Variants in IL1RAPL1 observed in about 807,000 individuals in gnomAD.
The protein encoded by IL1RAPL1 is interleukin-1 receptor accessory protein-like 1.
In IL1RAPL1, 3 loss-of-function variants were observed where a neutral mutation model predicts 48.4. That is an observed-to-expected ratio of 0.06 (90% CI 0.03 to 0.16). The LOEUF (loss-of-function observed/expected upper bound fraction) is 0.16. Ranked by LOEUF, IL1RAPL1 falls within the 10% of genes least tolerant of loss-of-function variation. The probability of loss-of-function intolerance (pLI) is 1.00; values close to 1 mark genes in which losing one functional copy is unlikely to be tolerated. For missense variants in IL1RAPL1, 349 were observed against 530.6 expected, an observed-to-expected ratio of 0.66 and a Z score of 3.36; for synonymous variants, 185 against 187.7, an observed-to-expected ratio of 0.99 and a Z score of 0.12.
Position 29,623,284 on chromosome X carries a change from A to G in IL1RAPL1, c.704-45146A>G, listed in dbSNP as rs747652130. ...GCGACAGACTGAGACTCCGTCTCAA[A>G]AAAAAAAAAAGAAAGAAAGAAAGAA... On this transcript the variant is annotated intron_variant, in intron 5 of 10. Coordinates refer to ENST00000378993, the MANE Select transcript of IL1RAPL1 (RefSeq NM_014271.4). 9.4e-5 allele frequency among the ~76,000 whole-genome samples: 9 copies of G among 95,431 alleles called. 1 individual carries two copies. In the Middle Eastern group the frequency reaches 0.021, roughly 218 times the overall value. The allele number at this position is 95,431 out of a possible 115,157, so 82.9% of individuals were successfully genotyped here.
At chrX:28,589,608 G>A (rs1325737666) in intron 1 of IL1RAPL1, among the ~76,000 whole-genome samples, 1 of 111,291 alleles carries the variant, frequency 9.0e-6, no homozygotes, top group Non-Finnish European at 1.9e-5. Flanking sequence ...CTTTACCCTA[G>A]GATTGAAATA....
At chrX:28,823,899 GTA>G (rs1936964107) in intron 2 of IL1RAPL1, among the ~76,000 whole-genome samples, 1 of 111,415 alleles carries the variant, frequency 9.0e-6, no homozygotes, top group Non-Finnish European at 1.9e-5. Flanking sequence ...GCCATGTAAG[GTA>G]ACATGTTCAC....
chrX:29,430,956 A>C (rs986623770), intron 5 of IL1RAPL1, among the ~76,000 whole-genome samples: 3 of 111,038 alleles, frequency 2.7e-5, no homozygotes, highest in African/African-American at 9.8e-5. Context: ...TAGGGTGCGA[A>C]TTCTAGCAAA....
At chrX:29,497,227 C>T (rs1602264351) in intron 5 of IL1RAPL1, among the ~76,000 whole-genome samples, 1 of 112,017 alleles carries the variant, frequency 8.9e-6, no homozygotes, top group East Asian at 2.8e-4. Context: ...GCATGTTGAT[C>T]ACATAACTTG....
At chrX:29,279,378 G>A (rs1293395271) in intron 2 of IL1RAPL1, among the ~76,000 whole-genome samples, 1 of 110,502 alleles carries the variant, frequency 9.0e-6, no homozygotes, top group Non-Finnish European at 1.9e-5. Flanking sequence ...GGAGGTTGCA[G>A]TGAGCCAAGA....
chrX:29,776,075 C>T (rs1601818365), intron 6 of IL1RAPL1, among the ~76,000 whole-genome samples: 1 of 111,696 alleles, frequency 9.0e-6, no homozygotes, highest in East Asian at 2.8e-4. Context: ...TCACAGCTTT[C>T]TCACTTCCGC....
At chrX:28,660,265 A>G (rs941381236) in intron 1 of IL1RAPL1, among the ~76,000 whole-genome samples, 2 of 110,687 alleles carry the variant, frequency 1.8e-5, no homozygotes, top group Non-Finnish European at 3.8e-5. Flanking sequence ...AAAACAATCT[A>G]TTAGTGTTTT....
intron 6 of IL1RAPL1, among the ~76,000 whole-genome samples, chrX:29,671,674 T>C (rs1433079027): frequency 8.9e-6 from 1 of 111,787 alleles, no homozygotes; most frequent in Admixed American, 9.5e-5. Flanking sequence ...CAGGCTACTA[T>C]AGTCAAGAGA....
chrX:29,880,221 T>G (rs1228031055), intron 6 of IL1RAPL1, among the ~76,000 whole-genome samples: 1 of 111,672 alleles, frequency 9.0e-6, no homozygotes, highest in Non-Finnish European at 1.9e-5. Flanking sequence ...TGATATGATA[T>G]TCCATATGCT....
At chrX:28,725,748 A>G (rs1935666057) in intron 1 of IL1RAPL1, among the ~76,000 whole-genome samples, 1 of 112,661 alleles carries the variant, frequency 8.9e-6, no homozygotes, top group Admixed American at 9.4e-5. Context: ...AATTCTAATA[A>G]TAAATCATGA....
chrX:29,094,522 C>T (rs1235355154), intron 2 of IL1RAPL1, among the ~76,000 whole-genome samples: 1 of 102,700 alleles, frequency 9.7e-6, no homozygotes, highest in East Asian at 3.0e-4. Flanking sequence ...CTTTGGGAGG[C>T]TGAGGTGGGT....
chrX:29,464,262 T>C (rs994375963), intron 5 of IL1RAPL1, among the ~76,000 whole-genome samples: 4 of 111,862 alleles, frequency 3.6e-5, no homozygotes, highest in Non-Finnish European at 7.5e-5. Flanking sequence ...AAAGCCTAAA[T>C]CACAGTCCTT....
chrX:29,795,276 G>A (rs189503790), intron 6 of IL1RAPL1, among the ~76,000 whole-genome samples: 9 of 111,900 alleles, frequency 8.0e-5, no homozygotes, highest in Non-Finnish European at 1.5e-4. Context: ...CATTGTAGGA[G>A]TAGAAATCAC....
chrX:28,690,638 A>G (rs1444276210), intron 1 of IL1RAPL1, among the ~76,000 whole-genome samples: 1 of 111,433 alleles, frequency 9.0e-6, no homozygotes, highest in African/African-American at 3.3e-5. Flanking sequence ...TGAATGTTTC[A>G]GAGACACAGT....
At chrX:29,788,530 T>C (rs753897929) in intron 6 of IL1RAPL1, among the ~76,000 whole-genome samples, 101 of 111,541 alleles carry the variant, frequency 9.1e-4, no homozygotes, top group African/African-American at 3.2e-3. Context: ...CCTTTCATTT[T>C]GTGATAATTG....
chrX:29,718,257 A>G (rs780014474), intron 6 of IL1RAPL1, among the ~76,000 whole-genome samples: 1 of 111,005 alleles, frequency 9.0e-6, no homozygotes, highest in Non-Finnish European at 1.9e-5. Context: ...CACATACACC[A>G]TGGAATACTA....
intron 2 of IL1RAPL1, among the ~76,000 whole-genome samples, chrX:29,107,610 T>G (rs1456935098): frequency 8.9e-6 from 1 of 111,814 alleles, no homozygotes; most frequent in Non-Finnish European, 1.9e-5. Context: ...TTAAAAAAAA[T>G]ATATCAAAAA....
At chrX:28,604,143 T>G (rs367909175) in intron 1 of IL1RAPL1, among the ~76,000 whole-genome samples, 1 of 112,349 alleles carries the variant, frequency 8.9e-6, no homozygotes, top group South Asian at 3.7e-4. Context: ...GCTTCTTAGC[T>G]TTTTTCCCTA....
intron 5 of IL1RAPL1, among the ~76,000 whole-genome samples, chrX:29,426,375 C>T (rs1034309354): frequency 4.5e-5 from 5 of 111,600 alleles, no homozygotes; most frequent in Admixed American, 1.9e-4. Flanking sequence ...ATTTTACAAA[C>T]GAACCAATTA....
Sources: allele counts gnomAD v4.1 joint callset (sites outside exome capture counted in the v4.1 genomes callset), GRCh38; gene constraint gnomAD v4.1.1; transcripts MANE v1.5; gene names NCBI Gene and HGNC (gene_info 2026-07-23, HGNC 2026-07-21).